The following TMEM108 variants were observed in gnomAD, a reference collection of about 807,000 sequenced individuals.
The protein encoded by TMEM108 is cancer/testis antigen 124.
A neutral mutation model predicts 35.1 loss-of-function variants in TMEM108; 12 were observed. The observed-to-expected ratio is 0.34, with a 90% CI of 0.22 to 0.55. TMEM108 has a LOEUF of 0.55. TMEM108 is among the 20% of genes least tolerant of loss of function. The pLI is 0.89. For missense variants in TMEM108, 680 were observed against 753.3 expected, an observed-to-expected ratio of 0.90 and a Z score of 1.14; for synonymous variants, 287 against 308.6, an observed-to-expected ratio of 0.93 and a Z score of 0.73.
intron 2 of TMEM108, among the ~76,000 whole-genome samples, chr3:133,197,524 G>T (rs1003514684): frequency 1.3e-5 from 2 of 152,168 alleles, no homozygotes; most frequent in African/African-American, 4.8e-5. Flanking sequence ...AAGGTAGGAG[G>T]ATTTCTCTAT....
intron 2 of TMEM108, among the ~76,000 whole-genome samples, chr3:133,061,210 TC>T (rs1371215171): frequency 1.0e-4 from 15 of 145,878 alleles, no homozygotes; most frequent in Admixed American, 1.0e-3. Flanking sequence ...TGGGCATGTC[TC>T]CTTTTTTTTT....
At chr3:133,302,298 C>T (rs1420440375) in intron 3 of TMEM108, among the ~76,000 whole-genome samples, 2 of 152,158 alleles carry the variant, frequency 1.3e-5, no homozygotes, top group Non-Finnish European at 2.9e-5. Context: ...CACACACACA[C>T]TGCTTACCAG....
intron 3 of TMEM108, among the ~76,000 whole-genome samples, chr3:133,365,249 A>C (rs2072471554): frequency 6.6e-6 from 1 of 152,182 alleles, no homozygotes; most frequent in Admixed American, 6.5e-5. Context: ...GCAAAATCTA[A>C]AAGAACCAAA....
intron 3 of TMEM108, among the ~76,000 whole-genome samples, chr3:133,357,858 C>T (rs1439495651): frequency 6.6e-6 from 1 of 152,040 alleles, no homozygotes; most frequent in Non-Finnish European, 1.5e-5. Flanking sequence ...GGCAGATGCA[C>T]TAAAATCTCA....
At chr3:133,391,397 T>G (rs1256908158) in intron 5 of TMEM108, among the ~76,000 whole-genome samples, 1 of 152,144 alleles carries the variant, frequency 6.6e-6, no homozygotes, top group Admixed American at 6.5e-5. Flanking sequence ...ACCCCACCCC[T>G]CCTTCCCGTG....
intron 3 of TMEM108, among the ~76,000 whole-genome samples, chr3:133,230,653 G>A (rs527850609): frequency 6.6e-6 from 1 of 152,294 alleles, no homozygotes; most frequent in South Asian, 2.1e-4. Context: ...GGGTAGGAAG[G>A]CTTTGTAGCC....
chr3:133,068,376 A>G (rs78922879), intron 2 of TMEM108, among the ~76,000 whole-genome samples: 4,189 of 152,206 alleles, frequency 0.028, 100 homozygotes, highest in South Asian at 0.061. Flanking sequence ...CCAAGAGGTT[A>G]AAGTGTGAGG....
At chr3:133,202,769 A>G (rs959001103) in intron 2 of TMEM108, among the ~76,000 whole-genome samples, 4 of 152,102 alleles carry the variant, frequency 2.6e-5, no homozygotes, top group Non-Finnish European at 5.9e-5. Context: ...TTGTCTTGGC[A>G]ATGTGGGCTC....
chr3:133,134,839 C>G (rs181161252), intron 2 of TMEM108, among the ~76,000 whole-genome samples: 1 of 152,020 alleles, frequency 6.6e-6, no homozygotes, highest in Admixed American at 6.6e-5. Flanking sequence ...TTCGCATACC[C>G]ATCTTGCTGT....
At chr3:133,196,254 A>C (rs928976513) in intron 2 of TMEM108, among the ~76,000 whole-genome samples, 1 of 152,184 alleles carries the variant, frequency 6.6e-6, no homozygotes, top group African/African-American at 2.4e-5. Flanking sequence ...TAGGAATATT[A>C]TATGTGCTGC....
At chr3:133,157,062 C>T (rs979082390) in intron 2 of TMEM108, among the ~76,000 whole-genome samples, 1 of 152,166 alleles carries the variant, frequency 6.6e-6, no homozygotes, top group African/African-American at 2.4e-5. Context: ...AACAGTCTGG[C>T]TAGAATGTTT....
In TMEM108 at chr3:133,166,153, A is replaced by T. The variant is rs116028481; in HGVS notation, c.-46-63113A>T. On this transcript the variant is annotated intron_variant, in intron 2 of 5. Coordinates refer to ENST00000321871, the MANE Select transcript of TMEM108 (RefSeq NM_023943.4). Reference sequence around the variant, plus strand: ...CAGTGTTTGTAGCTGCTAGGGAAAAATAAAAACCTTGTGACAATTAAAACA... The same window carrying T: ...CAGTGTTTGTAGCTGCTAGGGAAAATTAAAAACCTTGTGACAATTAAAACA... Among the ~76,000 whole-genome samples the T allele has an allele frequency of 1.5e-3, 223 of 152,334 alleles. 1 individual carries two copies. The highest frequency in any genetic ancestry group is 4.9e-3 in the African/African-American group (202 of 41,572).
intron 3 of TMEM108, among the ~76,000 whole-genome samples, chr3:133,325,098 GTGGT>G (rs760944853): frequency 2.0e-5 from 3 of 152,084 alleles, no homozygotes; most frequent in Non-Finnish European, 4.4e-5. Context: ...CAACCAACAA[GTGGT>G]TGGTTGATGA....
chr3:133,127,213 T>G lies in TMEM108; in HGVS notation c.-47+81193T>G, dbSNP rs1576332853. Among the ~76,000 whole-genome samples, 7 of 152,338 alleles carry G rather than the reference T, an allele frequency of 4.6e-5. No homozygotes were observed. The South Asian group carries it at 1.5e-3, about 32-fold the overall frequency. On this transcript the variant is annotated intron_variant, in intron 2 of 5. Transcript: ENST00000321871. ...ACATGCATATCAGTTGTCCAGTAAC[T>G]GAATCAGTGTCCATTTCTAAATTTA... is the stretch of plus-strand genomic sequence containing the variant.
chr3:133,339,462 G>A (rs919991865), intron 3 of TMEM108, among the ~76,000 whole-genome samples: 1 of 151,604 alleles, frequency 6.6e-6, no homozygotes, highest in Non-Finnish European at 1.5e-5. Context: ...TTAAATCAAA[G>A]ATTATTAAAA....
intron 3 of TMEM108, among the ~76,000 whole-genome samples, chr3:133,341,484 A>G (rs758864628): frequency 5.9e-5 from 9 of 151,990 alleles, no homozygotes; most frequent in Non-Finnish European, 1.3e-4. Flanking sequence ...CTACAGATTT[A>G]ATGCAATCCC....
At chr3:133,296,488 G>A (rs1947146932) in intron 3 of TMEM108, among the ~76,000 whole-genome samples, 1 of 151,864 alleles carries the variant, frequency 6.6e-6, no homozygotes, top group East Asian at 1.9e-4. Flanking sequence ...CCAGGCTAAC[G>A]AAGTATCACA....
chr3:133,102,002 A>G (rs561285177), intron 2 of TMEM108, among the ~76,000 whole-genome samples: 6 of 152,216 alleles, frequency 3.9e-5, no homozygotes, highest in Admixed American at 1.3e-4. Flanking sequence ...AGGCTATTCT[A>G]TCTAGCTTTA....
chr3:133,282,907 A>G (rs1202483259), intron 3 of TMEM108, among the ~76,000 whole-genome samples: 1 of 152,250 alleles, frequency 6.6e-6, no homozygotes, highest in African/African-American at 2.4e-5. Flanking sequence ...TGGTATTAAC[A>G]TGGAACGTTT....
Sources: gnomAD v4.1 joint callset for allele counts (sites outside exome capture counted in the v4.1 genomes callset) on GRCh38, gnomAD v4.1.1 for gene constraint, MANE v1.5 for transcripts, NCBI Gene and HGNC (gene_info 2026-07-23, HGNC 2026-07-21) for gene names.